Variants in CHD7 observed in about 807,000 individuals in gnomAD.
CHD7 encodes chromodomain helicase DNA binding protein 7, also known as ATP-dependent chromatin remodeler CHD7.
A neutral mutation model predicts 307.3 loss-of-function variants in CHD7; 24 were observed. The observed-to-expected ratio is 0.08, with a 90% CI of 0.06 to 0.11. CHD7 has a LOEUF of 0.11. Among genes scored for constraint, CHD7 ranks in the 10% least tolerant of loss-of-function variants. The probability of loss-of-function intolerance (pLI) is 1.00; values close to 1 mark genes in which losing one functional copy is unlikely to be tolerated. For synonymous variants in CHD7, 1,363 were observed against 1,349.9 expected (o/e 1.01, Z -0.21); for missense variants, 3,106 against 3,727.1 (o/e 0.83, Z 4.34).
intron 1 of CHD7, among the ~76,000 whole-genome samples, chr8:60,730,223 A>G (rs957512420): frequency 1.3e-5 from 2 of 152,252 alleles, no homozygotes; most frequent in Non-Finnish European, 2.9e-5. Flanking sequence ...CTCTGGAGGA[A>G]GGAAACCCAG....
intron 3 of CHD7, among the ~76,000 whole-genome samples, chr8:60,791,027 C>T (rs1241831561): frequency 1.3e-5 from 2 of 152,016 alleles, no homozygotes; most frequent in Non-Finnish European, 2.9e-5. Flanking sequence ...TGCCTGGAAG[C>T]ATAAGAGGCA....
At chr8:60,702,583 T>TA (rs1806816457) in intron 1 of CHD7, among the ~76,000 whole-genome samples, 1 of 152,240 alleles carries the variant, frequency 6.6e-6, no homozygotes, top group Non-Finnish European at 1.5e-5. Flanking sequence ...GTTGTAAACT[T>TA]AAAAACGAAA....
intron 1 of CHD7, among the ~76,000 whole-genome samples, chr8:60,684,858 C>T (rs1040581024): frequency 2.0e-5 from 3 of 152,168 alleles, no homozygotes; most frequent in African/African-American, 4.8e-5. Flanking sequence ...AGACAATATC[C>T]TGCCTGCTTT....
rs760485442 is a variant in CHD7, at chr8:60,856,798, G to A, written c.7518G>A (p.Glu2506=). Residue 2506 remains glutamate (E), a synonymous_variant, in exon 34 of 38, where the codon GAG becomes GAA. Transcript: ENST00000423902. The part of the protein sequence containing the change: ...HLLNGSLVDG[E]PPMKRRRGRR... ...TTAATGGCTCCCTAGTGGATGGAGA[G>A]CCTCCCATGAAGAGGAGGCGGGGAA... 1.3e-5 allele frequency: 21 copies of A among 1,609,488 alleles called. No individual in the cohort carries two copies. The South Asian group carries it at 2.3e-4, about 18-fold the overall frequency.
intron 1 of CHD7, among the ~76,000 whole-genome samples, chr8:60,694,194 A>G (rs1356973196): frequency 1.3e-5 from 2 of 152,366 alleles, no homozygotes; most frequent in East Asian, 3.9e-4. Context: ...TTGGAAATGT[A>G]GATGTGCCTG....
At chr8:60,688,032 T>C (rs914244928) in intron 1 of CHD7, among the ~76,000 whole-genome samples, 13 of 152,244 alleles carry the variant, frequency 8.5e-5, no homozygotes, top group African/African-American at 3.1e-4. Context: ...TATTTTTTTC[T>C]GTACTTCCTC....
intron 8 of CHD7, among the ~76,000 whole-genome samples, chr8:60,817,627 A>G (rs1803811861): frequency 6.6e-6 from 1 of 152,234 alleles, no homozygotes; most frequent in African/African-American, 2.4e-5. Flanking sequence ...AGTTACTCGA[A>G]TGTGACTCAA....
chr8:60,814,967 T>A (rs539462508), intron 7 of CHD7, among the ~76,000 whole-genome samples: 4 of 152,322 alleles, frequency 2.6e-5, no homozygotes, highest in African/African-American at 9.6e-5. Flanking sequence ...TTCCTTCAAG[T>A]TCATGTTGGT....
At chr8:60,857,016 A>C in intron 34 of CHD7, 128 bp downstream of exon 34, 1 of 764,548 alleles carries the variant, frequency 1.3e-6, no homozygotes, top group Non-Finnish European at 2.0e-6. Context: ...CCACTAAAGA[A>C]ATAGTTTTAC....
intron 12 of CHD7, among the ~76,000 whole-genome samples, 172 bp from the exon 13 acceptor site, chr8:60,823,668 G>A (rs1804144366): frequency 6.6e-6 from 1 of 152,214 alleles, no homozygotes; most frequent in African/African-American, 2.4e-5. Context: ...TTCCAATTCT[G>A]TTTTACCATA....
At chr8:60,683,061 T>G (rs973121797) in intron 1 of CHD7, among the ~76,000 whole-genome samples, 2 of 152,236 alleles carry the variant, frequency 1.3e-5, no homozygotes, top group Non-Finnish European at 2.9e-5. Context: ...TCTTGTTCAC[T>G]CATGTGGGCA....
intron 25 of CHD7, among the ~76,000 whole-genome samples, chr8:60,849,749 T>A (rs1276798853): frequency 1.3e-5 from 2 of 152,232 alleles, no homozygotes. Context: ...GGGAGAATGA[T>A]GGCTTATAAA....
At chr8:60,849,786 C>T (rs753495202) in intron 25 of CHD7, among the ~76,000 whole-genome samples, 7 of 152,180 alleles carry the variant, frequency 4.6e-5, no homozygotes, top group Admixed American at 3.3e-4. Context: ...GTTTGGCTTG[C>T]GGCTCTACAG....
At chr8:60,764,145 G>A (rs578165149) in intron 2 of CHD7, among the ~76,000 whole-genome samples, 30 of 152,052 alleles carry the variant, frequency 2.0e-4, no homozygotes, top group African/African-American at 2.9e-4. Context: ...CCGCCACCAC[G>A]CCCAGATAAT....
rs200878157 is a variant in CHD7, at chr8:60,829,600, C to CA, written c.3523-714dup. 4.8e-3 allele frequency among the ~76,000 whole-genome samples: 727 copies of CA among 151,110 alleles called. 2 individuals are homozygous for CA. The highest frequency in any genetic ancestry group is 0.017 in the African/African-American group (685 of 41,190). On this transcript the variant is annotated intron_variant, in intron 14 of 37. Transcript: ENST00000423902. ...TGGGTGACACAGTGAGACTTCATCTCAAAAAAAAGGAAAAGAAAAGAAAAG... is the reference window on the plus strand; with the variant it reads ...TGGGTGACACAGTGAGACTTCATCTCAAAAAAAAAGGAAAAGAAAAGAAAAG...
In CHD7 at chr8:60,742,986, G is replaced by C. The variant is rs369284507; in HGVS notation, c.1554G>C (p.Gln518His). The C allele has an allele frequency of 2.0e-5, 32 of 1,613,664 alleles. No individual in the cohort carries two copies. The highest frequency in any genetic ancestry group is 2.5e-5 in the Non-Finnish European group (30 of 1,179,840). ...FQQLPTCPPL[Q>H]PHPGLHHQSS... is the part of the protein sequence containing the mutation. ...AGTTGCCAACCTGTCCTCCACTGCA[G>C]CCTCACCCGGGCTTGCACCACCAGT... The change falls in exon 2 of 38, where the codon CAG (glutamine) becomes CAC (histidine). Residue 518 changes from glutamine to histidine, a missense_variant. Physicochemically the swap from Gln to His is conservative, Grantham distance 24. Around this residue, in one of 10 missense-constraint regions of CHD7, gnomAD observed 998 missense variants for 1,004.5 expected, o/e 0.99. Transcript: ENST00000423902.
chr8:60,786,047 C>T (rs137997060), intron 3 of CHD7, among the ~76,000 whole-genome samples: 9 of 152,236 alleles, frequency 5.9e-5, no homozygotes, highest in Non-Finnish European at 1.0e-4. Context: ...CTTTGTCTCC[C>T]GACCTGTCCT....
chr8:60,687,662 C>T (rs375966858), intron 1 of CHD7, among the ~76,000 whole-genome samples: 2 of 152,116 alleles, frequency 1.3e-5, no homozygotes, highest in Non-Finnish European at 2.9e-5. Context: ...CCATAATGAC[C>T]GGCTGTTATT....
Position 60,850,487 on chromosome 8 carries a change from G to A in CHD7, c.5405-6G>A, listed in dbSNP as rs752193065. 1.9e-6 allele frequency: 3 copies of A among 1,604,764 alleles called. No individual in the cohort carries two copies. Among genetic ancestry groups the A allele is most frequent in the Non-Finnish European group, 2.6e-6 (3 of 1,172,290 alleles). On this transcript the variant is annotated splice_polypyrimidine_tract_variant and splice_region_variant and intron_variant, in intron 25 of 37. Transcript: ENST00000423902. ...TGTTTTCTGTGCACGGATGGGCACG[G>A]CACAGGCTATGAGAAGTACAACTCC...
Sources: gnomAD v4.1 joint callset for allele counts (sites outside exome capture counted in the v4.1 genomes callset) on GRCh38, gnomAD v4.1.1 for gene constraint, gnomAD v4.1.1 regional missense constraint, MANE v1.5 for transcripts, NCBI Gene and HGNC (gene_info 2026-07-23, HGNC 2026-07-21) for gene names.